Variants in NAA20 observed in about 807,000 individuals in gnomAD.
NAA20 encodes the protein N-alpha-acetyltransferase 20.
NAA20 carries 24 observed loss-of-function variants against 23.8 expected under a neutral mutation model. The observed-to-expected ratio is 1.01, with a 90% CI of 0.73 to 1.42. The LOEUF is 1.42. Ranked by LOEUF, NAA20 falls within the 40% of genes most tolerant of loss-of-function variation. The probability of loss-of-function intolerance (pLI) is 0.00; values close to 1 mark genes in which losing one functional copy is unlikely to be tolerated. For missense variants in NAA20, 166 were observed against 223.1 expected, an observed-to-expected ratio of 0.74 and a Z score of 1.63; for synonymous variants, 83 against 77.7, an observed-to-expected ratio of 1.07 and a Z score of -0.36.
At chr20:20,027,876 T>C (rs888237635) in intron 4 of NAA20, among the ~76,000 whole-genome samples, 6 of 152,144 alleles carry the variant, frequency 3.9e-5, no homozygotes, top group Admixed American at 6.5e-5. Context: ...AGAGAGATGT[T>C]TGTAGTAGCT....
chr20:20,017,294 G>A, upstream of NAA20: 3 of 1,493,074 alleles, frequency 2.0e-6, no homozygotes, highest in Non-Finnish European at 2.7e-6. Context: ...CCCGGAAGCA[G>A]TACCCCGTCT....
At chr20:20,032,898 C>T (rs1330272448) in intron 5 of NAA20, among the ~76,000 whole-genome samples, 1 of 152,090 alleles carries the variant, frequency 6.6e-6, no homozygotes, top group African/African-American at 2.4e-5. Flanking sequence ...AACAAGAAAA[C>T]GTGTATTGTG....
At chr20:20,020,896 AAGATGC>A (rs1243287434) in intron 1 of NAA20, among the ~76,000 whole-genome samples, 1 of 152,136 alleles carries the variant, frequency 6.6e-6, no homozygotes, top group African/African-American at 2.4e-5. Flanking sequence ...AGAGAAATTG[AAGATGC>A]AGATGCAGGA....
chr20:20,017,581 G>A lies in NAA20; in HGVS notation c.53+132G>A. 5.2e-6 allele frequency: 7 copies of A among 1,345,318 alleles called. No individual in the cohort carries two copies. In the South Asian group the frequency reaches 9.6e-5, roughly 18 times the overall value. 83.3% of individuals were successfully genotyped at this position (1,345,318 alleles called of 1,614,324 possible). On this transcript the variant is annotated intron_variant, in intron 1 of 5. Coordinates refer to ENST00000334982, the MANE Select transcript of NAA20 (RefSeq NM_016100.5). ...CGGGGACCCGCGAGAACCACCCCCCGCCGGCCAACGTGGGCGCCTCCCTGG... is the reference window on the plus strand; with the variant it reads ...CGGGGACCCGCGAGAACCACCCCCCACCGGCCAACGTGGGCGCCTCCCTGG...
intron 1 of NAA20, among the ~76,000 whole-genome samples, chr20:20,021,648 C>T (rs1034898480): frequency 6.6e-6 from 1 of 152,134 alleles, no homozygotes; most frequent in South Asian, 2.1e-4. Flanking sequence ...TAAAGGAGTT[C>T]TGAAACCAAA....
At position 20,032,326 on chromosome 20, in the gene NAA20, T is replaced by C. The variant is rs140476537; in HGVS notation, c.306-182T>C. 6.4e-3 allele frequency among the ~76,000 whole-genome samples: 978 copies of C among 151,896 alleles called. 42 individuals are homozygous for C. The highest frequency in any genetic ancestry group is 0.022 in the African/African-American group (920 of 41,180). ...GTCATGTTCTTACACTGCAAAGTAA[T>C]TGTCATAAATCCTAAGTAATACAAA... On this transcript the variant is annotated intron_variant, in intron 4 of 5. Transcript: ENST00000334982.
chr20:20,019,624 G>A (rs1045833585), intron 1 of NAA20, among the ~76,000 whole-genome samples: 2 of 152,082 alleles, frequency 1.3e-5, no homozygotes, highest in African/African-American at 4.8e-5. Flanking sequence ...TCGCTCTGTT[G>A]CCCAGACAGG....
intron 3 of NAA20, among the ~76,000 whole-genome samples, 197 bp downstream of exon 3, chr20:20,025,964 C>G (rs1305938391): frequency 6.6e-6 from 1 of 151,698 alleles, no homozygotes; most frequent in African/African-American, 2.4e-5. Context: ...ACCAGACAGA[C>G]ATGGTCTTAG....
chr20:20,026,216 A>G (rs959342478), intron 3 of NAA20, among the ~76,000 whole-genome samples: 1 of 152,106 alleles, frequency 6.6e-6, no homozygotes, highest in African/African-American at 2.4e-5. Flanking sequence ...GAGGCGGGAG[A>G]ATCACTTGAA....
In NAA20 at chr20:20,030,007, A is replaced by G. The variant is rs1056416137; in HGVS notation, c.306-2501A>G. 7.2e-5 allele frequency among the ~76,000 whole-genome samples: 11 copies of G among 152,338 alleles called. No homozygotes were observed. The South Asian group carries it at 2.3e-3, about 32-fold the overall frequency. On this transcript the variant is annotated intron_variant, in intron 4 of 5. Transcript: ENST00000334982. ...TAAAGAATTTCAATCAGTAGCCCAA[A>G]ATCTTTTCACGAAGAAAGCTGTGGC...
intron 1 of NAA20, chr20:20,018,570 A>C (rs1382059163): frequency 6.2e-6 from 1 of 161,896 alleles, no homozygotes; most frequent in South Asian, 1.7e-4. Flanking sequence ...GAAAATGGGG[A>C]AACTTGAAGT....
rs776997740 is a variant in NAA20 at position 20,032,636 on chromosome 20, CTGA to C, written c.438_440del (p.Asp146del). 1 of 1,602,958 alleles carries C rather than the reference CTGA, an allele frequency of 6.2e-7. No homozygotes were observed. Among genetic ancestry groups the C allele is most frequent in the Non-Finnish European group, 8.5e-7 (1 of 1,175,440 alleles). ...TACTATTCGGCCAGCAACGGGGAGC[CTGA>C]TGAGGACGCTTATGGTAAGCTCCCT... On this transcript the variant is annotated inframe_deletion, in exon 5 of 6. Coordinates refer to ENST00000334982, the MANE Select transcript of NAA20 (RefSeq NM_016100.5).
At chr20:20,017,620 A>T in intron 1 of NAA20, 171 bp downstream of exon 1, 3 of 1,305,002 alleles carry the variant, frequency 2.3e-6, no homozygotes, top group Non-Finnish European at 2.0e-6. Context: ...CACAGGGTCC[A>T]GGGAGAGGTG....
intron 2 of NAA20, among the ~76,000 whole-genome samples, chr20:20,025,165 G>T (rs1408148327): frequency 6.6e-6 from 1 of 152,180 alleles, no homozygotes; most frequent in Non-Finnish European, 1.5e-5. Flanking sequence ...AATTAAGTTG[G>T]CTCTGGAAGG....
chr20:20,017,358 G>C, upstream of NAA20: 4 of 1,609,448 alleles, frequency 2.5e-6, no homozygotes, highest in Non-Finnish European at 3.4e-6. Flanking sequence ...GGCGGGCGCG[G>C]GGTCTTGGCG....
intron 1 of NAA20, among the ~76,000 whole-genome samples, chr20:20,021,987 G>A (rs1243743632): frequency 6.6e-6 from 1 of 152,090 alleles, no homozygotes; most frequent in Non-Finnish European, 1.5e-5. Flanking sequence ...GAATAGGAGT[G>A]GGGAGCAAAA....
chr20:20,032,679 C>T (rs1333600810), intron 5 of NAA20, 26 bp downstream of exon 5: 1 of 1,548,074 alleles, frequency 6.5e-7, no homozygotes, highest in African/African-American at 1.4e-5. Context: ...TGGCAGTATC[C>T]CCAAGAAGTC....
intron 5 of NAA20, 22 bp from the exon 6 acceptor site, chr20:20,033,080 A>T: frequency 6.4e-7 from 1 of 1,567,882 alleles, no homozygotes; most frequent in Non-Finnish European, 8.8e-7. Context: ...GGGTGTTTAT[A>T]TTAAACTTTG....
In NAA20 at chr20:20,017,413, C is replaced by G. The variant is rs933172995; in HGVS notation, c.17C>G (p.Ala6Gly). 1 of 1,612,040 alleles carries G rather than the reference C, an allele frequency of 6.2e-7. No homozygotes were observed. Among genetic ancestry groups the G allele is most frequent in the African/African-American group, 1.3e-5 (1 of 74,928 alleles). Residue 6 changes from alanine to glycine, a missense_variant, in exon 1 of 6, where the codon GCC becomes GGC. Coordinates refer to ENST00000334982, the MANE Select transcript of NAA20 (RefSeq NM_016100.5). ...GGCGGCGCGATGACCACGCTACGGG[C>G]CTTTACCTGCGACGACCTGTTCCGC... MTTLR[A>G]FTCDDLFRFN...
Sources: gnomAD v4.1 joint callset for allele counts (sites outside exome capture counted in the v4.1 genomes callset) on GRCh38, gnomAD v4.1.1 for gene constraint, MANE v1.5 for transcripts, NCBI Gene and HGNC (gene_info 2026-07-23, HGNC 2026-07-21) for gene names.